Variants in DENND4C observed in about 807,000 individuals in gnomAD.
DENND4C encodes DENN domain-containing protein 4C.
A neutral mutation model predicts 203.0 loss-of-function variants in DENND4C; 108 were observed. The ratio of observed to expected loss-of-function variants is 0.53; its 90% CI spans 0.46 to 0.62. The LOEUF is 0.62. Among genes scored for constraint, DENND4C ranks in the 20% least tolerant of loss-of-function variants. DENND4C has a pLI of 0.00. For missense variants in DENND4C, 2,481 were observed against 2,301.2 expected (o/e 1.08, Z -1.60); for synonymous variants, 871 against 792.4 (o/e 1.10, Z -1.67).
At chr9:19,243,823 T>G (rs1824388647) in intron 1 of DENND4C, among the ~76,000 whole-genome samples, 1 of 152,200 alleles carries the variant, frequency 6.6e-6, no homozygotes, top group African/African-American at 2.4e-5. Context: ...TTTTTTTGTT[T>G]GTTTTTGAGA....
chr9:19,273,137 A>G (rs1373498591), intron 1 of DENND4C, among the ~76,000 whole-genome samples: 2 of 151,724 alleles, frequency 1.3e-5, no homozygotes, highest in Admixed American at 6.6e-5. Flanking sequence ...TATTTTTAGT[A>G]GAGACAGAGT....
At chr9:19,256,007 G>T (rs964817879) in intron 1 of DENND4C, among the ~76,000 whole-genome samples, 1 of 151,972 alleles carries the variant, frequency 6.6e-6, no homozygotes, top group Non-Finnish European at 1.5e-5. Context: ...GGAGGCCAGG[G>T]TGGGAGGATT....
intron 12 of DENND4C, 75 bp downstream of exon 12, chr9:19,316,914 T>C: frequency 7.9e-7 from 1 of 1,268,754 alleles, no homozygotes; most frequent in Non-Finnish European, 1.1e-6. Flanking sequence ...TGCCAAGAAA[T>C]ACTTATTGTA....
chr9:19,249,148 T>C (rs932475785), intron 1 of DENND4C, among the ~76,000 whole-genome samples: 1 of 152,154 alleles, frequency 6.6e-6, no homozygotes, highest in Non-Finnish European at 1.5e-5. Context: ...AACCGTAATA[T>C]AAGCTCCATA....
chr9:19,280,910 T>A (rs7874054), intron 2 of DENND4C, among the ~76,000 whole-genome samples: 1 of 151,498 alleles, frequency 6.6e-6, no homozygotes, highest in South Asian at 2.1e-4. Context: ...CCGGCTAAGT[T>A]TTTGTAGTTT....
At chr9:19,313,712 T>C (rs374481681) in intron 10 of DENND4C, among the ~76,000 whole-genome samples, 4 of 152,356 alleles carry the variant, frequency 2.6e-5, no homozygotes, top group African/African-American at 7.2e-5. Flanking sequence ...GAGGATATTA[T>C]GTTTGCTTCC....
intron 12 of DENND4C, among the ~76,000 whole-genome samples, chr9:19,319,785 G>A (rs1345881055): frequency 1.3e-5 from 2 of 152,160 alleles, no homozygotes; most frequent in Non-Finnish European, 2.9e-5. Flanking sequence ...CTTAATAAGT[G>A]TGTTTCGAAG....
intron 1 of DENND4C, among the ~76,000 whole-genome samples, chr9:19,246,784 T>A (rs577173006): frequency 1.3e-5 from 2 of 152,200 alleles, no homozygotes; most frequent in African/African-American, 2.4e-5. Flanking sequence ...GTATTATTTT[T>A]CCTGGCGAAT....
chr9:19,260,739 A>C (rs1176985213), intron 1 of DENND4C, among the ~76,000 whole-genome samples: 1 of 152,106 alleles, frequency 6.6e-6, no homozygotes, highest in Admixed American at 6.6e-5. Flanking sequence ...ATAGTTTGCA[A>C]ATATTTTCTC....
chr9:19,300,306 CT>C lies in DENND4C; in HGVS notation c.1287del (p.Val431Ter). The part of the protein sequence containing the change: ...LLHSLRPAVL[T>X]GVAEAVVAMI... Reference sequence around the variant, plus strand: ...CATTCTCTTAGGCCAGCTGTCTTGACTGGGGTAGCTGAAGCTGTTGTAGCTG... The same window carrying C: ...CATTCTCTTAGGCCAGCTGTCTTGACGGGGTAGCTGAAGCTGTTGTAGCTG... On this transcript the variant is annotated frameshift_variant, in exon 9 of 33. Coordinates refer to ENST00000434457, the MANE Select transcript of DENND4C (RefSeq NM_001330640.2). LOFTEE classifies it high-confidence loss of function. 1 of 1,594,982 alleles carries C rather than the reference CT, an allele frequency of 6.3e-7. No individual in the cohort carries two copies. The highest frequency in any genetic ancestry group is 8.6e-7 in the Non-Finnish European group (1 of 1,167,018).
chr9:19,231,021 C>G lies in DENND4C; in HGVS notation c.-18+188C>G, dbSNP rs79756616. 9.8e-5 allele frequency among the ~76,000 whole-genome samples: 15 copies of G among 152,332 alleles called. No homozygotes were observed. In the East Asian group the frequency reaches 2.9e-3, roughly 29 times the overall value. On this transcript the variant is annotated intron_variant, in intron 1 of 32. Coordinates refer to ENST00000434457, the MANE Select transcript of DENND4C (RefSeq NM_001330640.2). Reference sequence around the variant, plus strand: ...GCTGGCGTTCGTGGCCTAGTTTCTCCGCGGTTTCCGGGGGCGGGGAGTCCC... The same window carrying G: ...GCTGGCGTTCGTGGCCTAGTTTCTCGGCGGTTTCCGGGGGCGGGGAGTCCC...
chr9:19,312,771 C>T (rs982605660), intron 10 of DENND4C, among the ~76,000 whole-genome samples: 3 of 152,110 alleles, frequency 2.0e-5, no homozygotes, highest in Non-Finnish European at 4.4e-5. Flanking sequence ...AATGGTTCTG[C>T]AGTGAAATGA....
At chr9:19,341,832 T>C (rs559080376) in intron 21 of DENND4C, among the ~76,000 whole-genome samples, 1 of 152,094 alleles carries the variant, frequency 6.6e-6, no homozygotes, top group East Asian at 1.9e-4. Flanking sequence ...AGGTTAAAAA[T>C]AGTCTATGTG....
intron 10 of DENND4C, among the ~76,000 whole-genome samples, chr9:19,312,929 G>GT (rs1841034461): frequency 6.6e-6 from 1 of 152,072 alleles, no homozygotes; most frequent in Admixed American, 6.6e-5. Flanking sequence ...TCTGTGCATA[G>GT]TATATAACTG....
intron 24 of DENND4C, 105 bp from the exon 25 acceptor site, chr9:19,351,968 C>G (rs550904667): frequency 1.2e-6 from 1 of 829,358 alleles, no homozygotes; most frequent in East Asian, 2.6e-5. Flanking sequence ...ACTTGAAAAA[C>G]AGTTGCAGAC....
intron 2 of DENND4C, among the ~76,000 whole-genome samples, chr9:19,282,688 GTTTTTCTTTTTCTT>G (rs1312243174): frequency 2.2e-5 from 3 of 138,826 alleles, no homozygotes; most frequent in African/African-American, 8.1e-5. Context: ...TTTATTTTTT[GTTTTTCTTTTTCTT>G]TTTTTCTTCT....
At chr9:19,316,031 C>G (rs1318145567) in intron 10 of DENND4C, among the ~76,000 whole-genome samples, 4 of 152,130 alleles carry the variant, frequency 2.6e-5, no homozygotes, top group East Asian at 1.9e-4. Flanking sequence ...TTAATCCTTA[C>G]TTAAATTCCA....
At chr9:19,301,314 T>TCTTCC (rs2131324857) in intron 9 of DENND4C, among the ~76,000 whole-genome samples, 1 of 152,348 alleles carries the variant, frequency 6.6e-6, no homozygotes, top group South Asian at 2.1e-4. Flanking sequence ...GACTCTCTTC[T>TCTTCC]CTTCCCTTCC....
intron 1 of DENND4C, among the ~76,000 whole-genome samples, chr9:19,253,833 A>G (rs915739729): frequency 6.6e-6 from 1 of 152,152 alleles, no homozygotes. Context: ...ATTTATTAGA[A>G]TGTGTGCTGT....
Sources: gnomAD v4.1 joint callset for allele counts (sites outside exome capture counted in the v4.1 genomes callset) on GRCh38, gnomAD v4.1.1 for gene constraint, MANE v1.5 for transcripts, NCBI Gene and HGNC (gene_info 2026-07-23, HGNC 2026-07-21) for gene names.